The following NF1 variants were observed in gnomAD, a reference collection of about 807,000 sequenced individuals.
The protein encoded by NF1 is neurofibromin 1.
Under a neutral mutation model 325.7 loss-of-function variants are expected in NF1, and 122 were observed. The observed-to-expected ratio is 0.37, with a 90% CI of 0.32 to 0.44. The LOEUF is 0.44. NF1 is among the 20% of genes least tolerant of loss of function. NF1 has a pLI of 1.00. For missense variants in NF1, 2,140 were observed against 3,415.4 expected (o/e 0.63, Z 9.31); for synonymous variants, 1,091 against 1,186.0 (o/e 0.92, Z 1.65).
chr17:31,201,358 A>AAT (rs1174666183), intron 10 of NF1, 53 bp from the exon 11 acceptor site: 8 of 1,520,552 alleles, frequency 5.3e-6, no homozygotes, highest in African/African-American at 1.4e-5. Flanking sequence ...CATTTGTATT[A>AAT]CTGAGTATTT....
intron 1 of NF1, among the ~76,000 whole-genome samples, chr17:31,125,211 C>G (rs1424630342): frequency 6.6e-6 from 1 of 151,850 alleles, no homozygotes; most frequent in African/African-American, 2.4e-5. Flanking sequence ...TGTAAGTATT[C>G]TGATTTCTTT....
At position 31,268,256 on chromosome 17, in the gene NF1, A is replaced by C. The variant is rs572977494; in HGVS notation, c.4835+2917A>C. On this transcript the variant is annotated intron_variant, in intron 36 of 57. Coordinates refer to ENST00000358273, the MANE Select transcript of NF1 (RefSeq NM_001042492.3). ...TCTGCTTGGCAGAAACTTTAATGTT[A>C]GGTTCTGGCCAGCCAGTTGATTACT... Among the ~76,000 whole-genome samples, 4 of 152,284 alleles carry C rather than the reference A, an allele frequency of 2.6e-5. No homozygotes were observed. In the South Asian group the frequency reaches 8.3e-4, roughly 32 times the overall value.
At position 31,265,229 on chromosome 17, in the gene NF1, G is replaced by T. The variant is rs147755637; in HGVS notation, c.4725G>T (p.Arg1575Ser). 1 of 1,604,748 alleles carries T rather than the reference G, an allele frequency of 6.2e-7. No individual in the cohort carries two copies. Among genetic ancestry groups the T allele is most frequent in the Non-Finnish European group, 8.5e-7 (1 of 1,172,098 alleles). ...AATTACTCTGTTATTTTTCTTTTAG[G>T]CATCAGGTACATGAAAAAGAAGAAT... ...TSSKFEEFMT[R>S]HQVHEKEEFK... is the part of the protein sequence containing the mutation. Residue 1575 changes from arginine (R) to serine (S), a missense_variant and splice_region_variant, in exon 36 of 58, where the codon AGG becomes AGT. Around this residue, in one of 10 missense-constraint regions of NF1, gnomAD observed 103 missense variants for 214.6 expected, o/e 0.48. Coordinates refer to ENST00000358273, the MANE Select transcript of NF1 (RefSeq NM_001042492.3).
At chr17:31,323,948 A>G (rs2069278709) in intron 36 of NF1, among the ~76,000 whole-genome samples, 1 of 152,142 alleles carries the variant, frequency 6.6e-6, no homozygotes, top group Non-Finnish European at 1.5e-5. Context: ...TTTTAAAATC[A>G]TTTGACTTGT....
chr17:31,172,222 G>A (rs2065938789), intron 5 of NF1, among the ~76,000 whole-genome samples: 1 of 152,132 alleles, frequency 6.6e-6, no homozygotes, highest in African/African-American at 2.4e-5. Context: ...AGCTACTTGG[G>A]AGGCTGAGGT....
chr17:31,143,852 C>T (rs1055912204), intron 1 of NF1, among the ~76,000 whole-genome samples: 3 of 151,672 alleles, frequency 2.0e-5, no homozygotes, highest in East Asian at 1.9e-4. Flanking sequence ...GACAGAGACT[C>T]GCTCTGTTGC....
chr17:31,149,769 T>A (rs907143259), intron 1 of NF1, among the ~76,000 whole-genome samples: 6 of 152,158 alleles, frequency 3.9e-5, no homozygotes, highest in African/African-American at 1.4e-4. Context: ...AAGTCAAATA[T>A]ATCCAGCCAC....
At chr17:31,251,355 G>C (rs2151454179) in intron 30 of NF1, 1 of 205,150 alleles carries the variant, frequency 4.9e-6, no homozygotes, top group East Asian at 7.5e-5. Context: ...CTCCTTTTTT[G>C]AGTTCATATC....
chr17:31,199,407 T>C (rs568734964), intron 8 of NF1, among the ~76,000 whole-genome samples: 1 of 152,366 alleles, frequency 6.6e-6, no homozygotes, highest in East Asian at 1.9e-4. Context: ...TGTTGGTTTT[T>C]CATTTCCATT....
intron 57 of NF1, among the ~76,000 whole-genome samples, chr17:31,371,106 G>T (rs1035730262): frequency 6.6e-6 from 1 of 152,092 alleles, no homozygotes; most frequent in African/African-American, 2.4e-5. Context: ...TGAATTACAG[G>T]TATCTAGCTA....
intron 48 of NF1, among the ~76,000 whole-genome samples, chr17:31,343,593 T>A (rs2069887217): frequency 1.3e-5 from 2 of 152,070 alleles, no homozygotes. Context: ...ATGAGTTGTG[T>A]TTTATTCAAT....
intron 53 of NF1, 28 bp from the exon 54 acceptor site, chr17:31,357,241 G>A (rs748422824): frequency 1.3e-6 from 2 of 1,599,986 alleles, no homozygotes; most frequent in Admixed American, 3.3e-5. Context: ...TAAAAATGTT[G>A]TGTGTTTACT....
At chr17:31,195,109 T>G (rs1567832622) in intron 8 of NF1, among the ~76,000 whole-genome samples, 1 of 152,142 alleles carries the variant, frequency 6.6e-6, no homozygotes, top group Non-Finnish European at 1.5e-5. Context: ...CTTTGACTTT[T>G]GCTTATCATT....
intron 36 of NF1, among the ~76,000 whole-genome samples, chr17:31,313,722 A>ATGTGTGTGTGTG (rs60267436): frequency 2.7e-4 from 37 of 139,050 alleles, no homozygotes; most frequent in African/African-American, 1.0e-3. Context: ...AAAAAAAAAT[A>ATGTGTGTGTGTG]TGTGTGTGTG....
At chr17:31,349,430 A>G (rs1312841509) in intron 49 of NF1, among the ~76,000 whole-genome samples, 179 bp downstream of exon 49, 1 of 152,210 alleles carries the variant, frequency 6.6e-6, no homozygotes, top group Non-Finnish European at 1.5e-5. Context: ...TCTGTAGGAA[A>G]AAATTTAATT....
At chr17:31,229,636 C>T (rs1188600188) in intron 21 of NF1, 171 bp downstream of exon 21, 1 of 973,792 alleles carries the variant, frequency 1.0e-6, no homozygotes, top group Non-Finnish European at 1.6e-6. Context: ...CTCTTAGGAA[C>T]TCTGGTGTGT....
intron 52 of NF1, 143 bp from the exon 53 acceptor site, chr17:31,356,817 G>T (rs1004632464): frequency 9.1e-6 from 12 of 1,319,724 alleles, no homozygotes; most frequent in Non-Finnish European, 1.3e-5. Context: ...TTGTGTAGGC[G>T]AATAGTAATT....
chr17:31,154,750 T>A (rs908675359), intron 1 of NF1, among the ~76,000 whole-genome samples: 3 of 148,300 alleles, frequency 2.0e-5, no homozygotes, highest in Admixed American at 6.7e-5. Context: ...TTTTTTTTTT[T>A]TTTTATTTGA....
At chr17:31,189,710 G>C (rs1480242912) in intron 8 of NF1, among the ~76,000 whole-genome samples, 2 of 149,938 alleles carry the variant, frequency 1.3e-5, no homozygotes, top group Admixed American at 1.3e-4. Flanking sequence ...GTATTTTCTA[G>C]ATTTAAAAGT....
Sources: gnomAD v4.1 joint callset for allele counts (sites outside exome capture counted in the v4.1 genomes callset) on GRCh38, gnomAD v4.1.1 for gene constraint, gnomAD v4.1.1 regional missense constraint, MANE v1.5 for transcripts, NCBI Gene and HGNC (gene_info 2026-07-23, HGNC 2026-07-21) for gene names.